The following PPP1R9A variants were observed in gnomAD, a reference collection of about 807,000 sequenced individuals.
The protein encoded by PPP1R9A is neurabin-1.
Under a neutral mutation model 141.9 loss-of-function variants are expected in PPP1R9A, and 59 were observed. The observed-to-expected ratio is 0.42, with a 90% CI of 0.34 to 0.52. The LOEUF (loss-of-function observed/expected upper bound fraction) is 0.52. Ranked by LOEUF, PPP1R9A falls within the 20% of genes least tolerant of loss-of-function variation. The pLI, the probability that PPP1R9A is intolerant of heterozygous loss-of-function variation, is 0.10. For synonymous variants in PPP1R9A, 500 were observed against 569.7 expected (o/e 0.88, Z 1.74); for missense variants, 1,444 against 1,611.9 (o/e 0.90, Z 1.78).
chr7:94,915,041 A>G (rs1349409803), intron 2 of PPP1R9A, among the ~76,000 whole-genome samples: 1 of 152,060 alleles, frequency 6.6e-6, no homozygotes, highest in African/African-American at 2.4e-5. Flanking sequence ...ATGGATTGTT[A>G]TTCTTGAAAC....
At chr7:95,026,486 G>A (rs182060275) in intron 2 of PPP1R9A, among the ~76,000 whole-genome samples, 4 of 152,230 alleles carry the variant, frequency 2.6e-5, no homozygotes, top group Non-Finnish European at 4.4e-5. Context: ...GATGCCAGCC[G>A]GAGCTCTCCT....
At chr7:95,117,822 C>T (rs1821780854) in intron 3 of PPP1R9A, among the ~76,000 whole-genome samples, 1 of 152,100 alleles carries the variant, frequency 6.6e-6, no homozygotes, top group Non-Finnish European at 1.5e-5. Flanking sequence ...AGCAAGAATT[C>T]AGCCAGAATA....
chr7:95,203,753 A>G (rs1159666489), intron 7 of PPP1R9A, 23 bp downstream of exon 7: 1 of 1,467,998 alleles, frequency 6.8e-7, no homozygotes, highest in Non-Finnish European at 9.2e-7. Context: ...GTTTAAAGTA[A>G]TGCTTACCTG....
At chr7:95,083,280 G>A (rs73427084) in intron 2 of PPP1R9A, among the ~76,000 whole-genome samples, 3,740 of 151,962 alleles carry the variant, frequency 0.025, 208 homozygotes, top group African/African-American at 0.086. Flanking sequence ...TAAACTAGGG[G>A]AACTTGGCAA....
Position 95,002,094 on chromosome 7 carries a change from A to G in PPP1R9A, c.1395+90586A>G, listed in dbSNP as rs546102063. On this transcript the variant is annotated intron_variant, in intron 2 of 19. Coordinates refer to ENST00000433360, the MANE Select transcript of PPP1R9A (RefSeq NM_001166160.2). Reference sequence around the variant, plus strand: ...TTGGTCTATTGAGAGGGAAATAGCTAGCCCTTCAAAATACCTTTGTGGGAG... The same window carrying G: ...TTGGTCTATTGAGAGGGAAATAGCTGGCCCTTCAAAATACCTTTGTGGGAG... Among the ~76,000 whole-genome samples the G allele has an allele frequency of 2.0e-5, 3 of 152,324 alleles. No individual in the cohort carries two copies. The South Asian group carries it at 6.2e-4, about 32-fold the overall frequency.
intron 2 of PPP1R9A, among the ~76,000 whole-genome samples, chr7:95,016,726 A>G (rs916042168): frequency 1.1e-4 from 16 of 152,152 alleles, no homozygotes; most frequent in Non-Finnish European, 1.9e-4. Context: ...TGAAAGACAG[A>G]ATCTTATTCC....
At chr7:95,266,329 C>CT (rs140879429) in intron 12 of PPP1R9A, among the ~76,000 whole-genome samples, 53,012 of 150,994 alleles carry the variant, frequency 0.35, 10,105 homozygotes, top group Middle Eastern at 0.49. Flanking sequence ...ACATGTCATC[C>CT]TTTTTTTTTA....
intron 2 of PPP1R9A, among the ~76,000 whole-genome samples, chr7:94,978,157 G>C (rs1031845981): frequency 3.9e-5 from 6 of 152,180 alleles, no homozygotes; most frequent in African/African-American, 1.4e-4. Flanking sequence ...GCCTGTGAAC[G>C]TTGAGGGATA....
chr7:95,103,931 G>T (rs1321560293), intron 2 of PPP1R9A, among the ~76,000 whole-genome samples: 1 of 152,042 alleles, frequency 6.6e-6, no homozygotes, highest in East Asian at 1.9e-4. Context: ...ATATTTATGG[G>T]AGTAACTTTG....
At chr7:94,934,804 GTGTGTA>G (rs1794578666) in intron 2 of PPP1R9A, among the ~76,000 whole-genome samples, 10 of 151,408 alleles carry the variant, frequency 6.6e-5, no homozygotes, top group African/African-American at 1.9e-4. Context: ...ATGTGTGTGT[GTGTGTA>G]TGTATATACA....
At chr7:95,095,609 G>C (rs1378169506) in intron 2 of PPP1R9A, among the ~76,000 whole-genome samples, 2 of 152,206 alleles carry the variant, frequency 1.3e-5, no homozygotes, top group African/African-American at 4.8e-5. Flanking sequence ...TCATGATCCA[G>C]AATTGGTCAA....
chr7:94,911,868 A>G lies in PPP1R9A; in HGVS notation c.1395+360A>G, dbSNP rs937705452. On this transcript the variant is annotated intron_variant, in intron 2 of 19. Transcript: ENST00000433360. ...TAGTTTTACCTAAAATTATTCATAA[A>G]TAATATTTTCTGAATGTACACACTT... 2.6e-5 allele frequency among the ~76,000 whole-genome samples: 4 copies of G among 152,322 alleles called. No homozygotes were observed. The South Asian group carries it at 6.2e-4, about 24-fold the overall frequency.
chr7:94,915,914 C>A (rs1194851381), intron 2 of PPP1R9A, among the ~76,000 whole-genome samples: 3 of 152,178 alleles, frequency 2.0e-5, no homozygotes, highest in Non-Finnish European at 4.4e-5. Context: ...ATGGGACCAT[C>A]CTTGGTGTCT....
chr7:94,972,060 G>T (rs1485639275), intron 2 of PPP1R9A, among the ~76,000 whole-genome samples: 1 of 152,174 alleles, frequency 6.6e-6, no homozygotes, highest in Non-Finnish European at 1.5e-5. Context: ...AAAATACAGA[G>T]ATATTTCTGT....
chr7:95,122,763 G>A (rs949771638), intron 4 of PPP1R9A, among the ~76,000 whole-genome samples: 2 of 152,092 alleles, frequency 1.3e-5, no homozygotes, highest in African/African-American at 4.8e-5. Context: ...AGTAGTTAAG[G>A]AAATAACCTC....
At chr7:95,209,203 G>C (rs188846431) in intron 7 of PPP1R9A, among the ~76,000 whole-genome samples, 3 of 152,260 alleles carry the variant, frequency 2.0e-5, no homozygotes, top group Admixed American at 6.5e-5. Flanking sequence ...AAAATCTGCT[G>C]TGTATAATGT....
chr7:95,214,728 A>AG (rs1372421437), intron 7 of PPP1R9A, among the ~76,000 whole-genome samples: 1 of 152,162 alleles, frequency 6.6e-6, no homozygotes, highest in Non-Finnish European at 1.5e-5. Context: ...TCTAAAAGGA[A>AG]GGGGATAAAA....
In PPP1R9A at chr7:95,109,840, G is replaced by GA. The variant is rs545182710; in HGVS notation, c.1396-1409dup. Among the ~76,000 whole-genome samples, 462 of 140,476 alleles carry GA rather than the reference G, an allele frequency of 3.3e-3. 1 individual carries two copies. The highest frequency in any genetic ancestry group is 6.6e-3 in the African/African-American group (254 of 38,256). The allele number at this position is 140,476 out of a possible 152,430, so 92.2% of individuals were successfully genotyped here. Reference sequence around the variant, plus strand: ...GTGCAGAGCAAGACCCTATCTCAATGAAAAAAAAAAGAAGAAGAAAAGAAA... The same window carrying GA: ...GTGCAGAGCAAGACCCTATCTCAATGAAAAAAAAAAAGAAGAAGAAAAGAAA... On this transcript the variant is annotated intron_variant, in intron 2 of 19. Coordinates refer to ENST00000433360, the MANE Select transcript of PPP1R9A (RefSeq NM_001166160.2).
At chr7:95,147,408 G>A (rs1406514709) in intron 4 of PPP1R9A, among the ~76,000 whole-genome samples, 1 of 152,016 alleles carries the variant, frequency 6.6e-6, no homozygotes, top group Non-Finnish European at 1.5e-5. Flanking sequence ...GAGATGATGG[G>A]GTTTTCTAAA....
Sources: allele counts gnomAD v4.1 joint callset (sites outside exome capture counted in the v4.1 genomes callset), GRCh38; gene constraint gnomAD v4.1.1; transcripts MANE v1.5; gene names NCBI Gene and HGNC (gene_info 2026-07-23, HGNC 2026-07-21).